Variants in PCDHGB1 observed in about 807,000 individuals in gnomAD.
The protein encoded by PCDHGB1 is protocadherin gamma-B1.
In PCDHGB1, 34 loss-of-function variants were observed where a neutral mutation model predicts 56.6. The observed-to-expected ratio is 0.60, with a 90% CI of 0.46 to 0.80. PCDHGB1 has a LOEUF of 0.80. PCDHGB1 is among the 30% of genes least tolerant of loss of function. The pLI is 0.00. For missense variants in PCDHGB1, 1,278 were observed against 1,204.6 expected (o/e 1.06, Z -0.90); for synonymous variants, 561 against 505.9 (o/e 1.11, Z -1.46).
At chr5:141,414,790 A>G (rs1190584746) in intron 1 of PCDHGB1, 1 of 1,614,226 alleles carries the variant, frequency 6.2e-7, no homozygotes, top group South Asian at 1.1e-5. Context: ...GGTGACAGCC[A>G]GCGACAGCGG....
chr5:141,356,198 T>C, intron 1 of PCDHGB1: 1 of 1,608,990 alleles, frequency 6.2e-7, no homozygotes, highest in Non-Finnish European at 8.5e-7. Flanking sequence ...AGAAGCAAGG[T>C]ACTGGTGACA....
intron 1 of PCDHGB1, chr5:141,409,208 G>A: frequency 6.2e-7 from 1 of 1,613,984 alleles, no homozygotes; most frequent in South Asian, 1.1e-5. Context: ...AGTAATCATA[G>A]AAATCCTTGA....
intron 1 of PCDHGB1, among the ~76,000 whole-genome samples, chr5:141,436,896 A>C (rs567359498): frequency 6.6e-6 from 1 of 152,368 alleles, no homozygotes; most frequent in East Asian, 1.9e-4. Context: ...AAAGATTTTT[A>C]TATGAGACAA....
intron 1 of PCDHGB1, chr5:141,427,356 G>A (rs1295421809): frequency 8.7e-6 from 4 of 457,618 alleles, no homozygotes; most frequent in Non-Finnish European, 1.8e-5. Context: ...AACTGAGGAC[G>A]CAGAACCCTG....
intron 1 of PCDHGB1, among the ~76,000 whole-genome samples, chr5:141,456,778 C>T (rs568292085): frequency 3.7e-4 from 57 of 152,242 alleles, no homozygotes; most frequent in African/African-American, 1.3e-3. Flanking sequence ...GCCTGGCCTA[C>T]ATGGCAAAAC....
chr5:141,403,204 G>C, intron 1 of PCDHGB1: 3 of 1,613,952 alleles, frequency 1.9e-6, no homozygotes, highest in Non-Finnish European at 2.5e-6. Flanking sequence ...GCGGCACCTT[G>C]GTCACCGCGG....
chr5:141,392,416 T>C (rs576614359), intron 1 of PCDHGB1: 1 of 157,618 alleles, frequency 6.3e-6, no homozygotes, highest in African/African-American at 2.4e-5. Flanking sequence ...AAAACCTTCA[T>C]CTCACATTCT....
intron 1 of PCDHGB1, chr5:141,394,323 T>A (rs1323089912): frequency 6.2e-7 from 1 of 1,613,982 alleles, no homozygotes; most frequent in South Asian, 1.1e-5. Flanking sequence ...CCTGTCCTCG[T>A]ATATCTCCAT....
rs1243075906 is a variant in PCDHGB1 at position 141,350,931 on chromosome 5, A to G, written c.671A>G (p.His224Arg). The G allele has an allele frequency of 1.9e-6, 3 of 1,614,088 alleles. No homozygotes were observed. The highest frequency in any genetic ancestry group is 1.1e-5 in the South Asian group (1 of 91,090). ...GGDPPLSGTTHIWIRVTDAND... is the reference protein window; with the variant it reads ...GGDPPLSGTTRIWIRVTDAND... ...GACCCGCCTCTAAGCGGCACCACCCATATCTGGATCCGAGTTACGGATGCC... is the reference window on the plus strand; with the variant it reads ...GACCCGCCTCTAAGCGGCACCACCCGTATCTGGATCCGAGTTACGGATGCC... The change falls in exon 1 of 4, where the codon CAT becomes CGT. Residue 224 changes from histidine (H) to arginine (R), a missense_variant. Transcript: ENST00000523390.
At chr5:141,457,469 AG>A (rs1170841505) in intron 1 of PCDHGB1, among the ~76,000 whole-genome samples, 1 of 152,226 alleles carries the variant, frequency 6.6e-6, no homozygotes, top group Non-Finnish European at 1.5e-5. Context: ...CACAGGAATA[AG>A]CAGGGCCAGG....
chr5:141,447,312 G>C (rs2098534178), intron 1 of PCDHGB1, among the ~76,000 whole-genome samples: 2 of 151,918 alleles, frequency 1.3e-5, no homozygotes, highest in African/African-American at 2.4e-5. Flanking sequence ...GCTAATTTTT[G>C]TATTTTTAGT....
intron 2 of PCDHGB1, among the ~76,000 whole-genome samples, chr5:141,503,985 T>C (rs1277024188): frequency 6.6e-6 from 1 of 152,150 alleles, no homozygotes; most frequent in African/African-American, 2.4e-5. Flanking sequence ...ACCCTTCTTC[T>C]TACCTTACAG....
intron 1 of PCDHGB1, chr5:141,388,977 G>A (rs1299469066): frequency 6.2e-7 from 1 of 1,613,990 alleles, no homozygotes; most frequent in African/African-American, 1.3e-5. Context: ...AACACATATT[G>A]CTTTGCTCAA....
rs1283050252 is a variant in PCDHGB1, at chr5:141,512,909, T to G, written c.*1736T>G. ...CCTCTTCCTGTGTCTCACGCAAGTT[T>G]TATACTCTAATATTTATATGGCTTT... On this transcript the variant is annotated 3_prime_UTR_variant, in exon 4 of 4. Coordinates refer to ENST00000523390, the MANE Select transcript of PCDHGB1 (RefSeq NM_018922.3). 6.6e-6 allele frequency: 1 copy of G among 152,268 alleles called. No homozygotes were observed. The highest frequency in any genetic ancestry group is 1.5e-5 in the Non-Finnish European group (1 of 68,056). 9.4% of individuals were successfully genotyped at this position (152,268 alleles called of 1,614,324 possible).
rs749528675 is a variant in PCDHGB1, at chr5:141,490,604, A to G, written c.2410-4203A>G. On this transcript the variant is annotated intron_variant, in intron 1 of 3. Coordinates refer to ENST00000523390, the MANE Select transcript of PCDHGB1 (RefSeq NM_018922.3). This position sits in a 1 kb window ranked among gnomAD's most constrained non-coding sequence, Gnocchi z 5.4. ...GTCAATGACAATGCACCCCGCTTCA[A>G]CCAGCAGCTTTACACTGCTTACATC... is the stretch of plus-strand genomic sequence containing the variant. 13 of 1,614,192 alleles carry G rather than the reference A, an allele frequency of 8.1e-6. No homozygotes were observed. Among genetic ancestry groups the G allele is most frequent in the Non-Finnish European group, 1.1e-5 (13 of 1,180,022 alleles).
rs548016343 is a variant in PCDHGB1, at chr5:141,369,768, A to G, written c.2409+17099A>G. Among the ~76,000 whole-genome samples the G allele has an allele frequency of 7.2e-5, 11 of 152,370 alleles. No individual in the cohort carries two copies. The East Asian group carries it at 1.9e-3, about 27-fold the overall frequency. ...TGCAATAAGAATACACGTGAAGCTG[A>G]TATTTCAAGCCTCTTTATACTACGT... is the stretch of plus-strand genomic sequence containing the variant. On this transcript the variant is annotated intron_variant, in intron 1 of 3. Coordinates refer to ENST00000523390, the MANE Select transcript of PCDHGB1 (RefSeq NM_018922.3).
intron 1 of PCDHGB1, chr5:141,419,629 G>T: frequency 6.2e-7 from 1 of 1,612,444 alleles, no homozygotes; most frequent in Non-Finnish European, 8.5e-7. Context: ...TGGTGACCAA[G>T]GTGGTGGCCG....
At chr5:141,465,032 A>C (rs2154568703) in intron 1 of PCDHGB1, among the ~76,000 whole-genome samples, 1 of 151,870 alleles carries the variant, frequency 6.6e-6, no homozygotes, top group Admixed American at 6.6e-5. Context: ...ATGAACCACC[A>C]CAAATGACCC....
intron 1 of PCDHGB1, chr5:141,400,525 G>C: frequency 2.5e-6 from 4 of 1,613,908 alleles, no homozygotes; most frequent in Non-Finnish European, 2.5e-6. Flanking sequence ...TCCTGAGTTG[G>C]TGAGTTTCAT....
Sources: gnomAD v4.1 joint callset for allele counts (sites outside exome capture counted in the v4.1 genomes callset) on GRCh38, gnomAD v4.1.1 for gene constraint, Gnocchi (gnomAD v3.1) non-coding constraint, MANE v1.5 for transcripts, NCBI Gene and HGNC (gene_info 2026-07-23, HGNC 2026-07-21) for gene names.